Variants in EPHA5 observed in about 807,000 individuals in gnomAD.
EPHA5 encodes EPH receptor A5, also known as ephrin type-A receptor 5.
A neutral mutation model predicts 105.0 loss-of-function variants in EPHA5; 60 were observed. That is an observed-to-expected ratio of 0.57 (90% CI 0.46 to 0.71). The LOEUF (loss-of-function observed/expected upper bound fraction) is 0.71. Among genes scored for constraint, EPHA5 ranks in the 30% least tolerant of loss-of-function variants. The pLI is 0.00. For synonymous variants in EPHA5, 513 were observed against 449.1 expected (o/e 1.14, Z -1.80); for missense variants, 1,218 against 1,274.7 (o/e 0.96, Z 0.68).
intron 7 of EPHA5, among the ~76,000 whole-genome samples, chr4:65,406,852 G>GT (rs1354342374): frequency 6.6e-6 from 1 of 151,840 alleles, no homozygotes; most frequent in Non-Finnish European, 1.5e-5. Flanking sequence ...GCAAATAAAC[G>GT]TATCATTAAT....
intron 5 of EPHA5, among the ~76,000 whole-genome samples, chr4:65,439,443 C>T (rs988716000): frequency 3.3e-5 from 5 of 150,444 alleles, no homozygotes; most frequent in Admixed American, 2.0e-4. Context: ...CACCACCCCC[C>T]GCTGCCCCAT....
intron 2 of EPHA5, among the ~76,000 whole-genome samples, chr4:65,637,345 T>C (rs894729851): frequency 7.3e-5 from 11 of 150,552 alleles, no homozygotes; most frequent in Admixed American, 5.3e-4. Flanking sequence ...GTAACTTAAA[T>C]GAATGAGGAG....
At chr4:65,462,662 A>G (rs1001269114) in intron 5 of EPHA5, among the ~76,000 whole-genome samples, 1 of 152,156 alleles carries the variant, frequency 6.6e-6, no homozygotes. Context: ...ACTTTTTCAG[A>G]TAGTGGTGGT....
intron 14 of EPHA5, among the ~76,000 whole-genome samples, chr4:65,342,360 A>G (rs1721813004): frequency 6.6e-6 from 1 of 152,112 alleles, no homozygotes; most frequent in South Asian, 2.1e-4. Context: ...TTTAGATTAC[A>G]TAGCAATGAG....
At chr4:65,564,313 T>G (rs1199256568) in intron 3 of EPHA5, among the ~76,000 whole-genome samples, 1 of 151,884 alleles carries the variant, frequency 6.6e-6, no homozygotes, top group Non-Finnish European at 1.5e-5. Flanking sequence ...TCAACAAATA[T>G]TTCTAAATGA....
intron 8 of EPHA5, among the ~76,000 whole-genome samples, chr4:65,392,788 T>C (rs1262382550): frequency 1.3e-5 from 2 of 152,166 alleles, no homozygotes; most frequent in Non-Finnish European, 2.9e-5. Flanking sequence ...TCAACATTAA[T>C]GGGAAAAATG....
chr4:65,621,115 T>A (rs1190745897), intron 2 of EPHA5, among the ~76,000 whole-genome samples: 1 of 152,152 alleles, frequency 6.6e-6, no homozygotes, highest in Non-Finnish European at 1.5e-5. Context: ...AAAGTGATTC[T>A]CCCCTTAATA....
intron 16 of EPHA5, among the ~76,000 whole-genome samples, chr4:65,329,039 C>A (rs1189297077): frequency 6.6e-6 from 1 of 151,006 alleles, no homozygotes; most frequent in African/African-American, 2.4e-5. Flanking sequence ...TCTGAATAAC[C>A]AAAGGCTGAC....
chr4:65,347,346 A>C (rs530619773), intron 14 of EPHA5, among the ~76,000 whole-genome samples: 1 of 152,324 alleles, frequency 6.6e-6, no homozygotes, highest in East Asian at 1.9e-4. Context: ...TCTCAAAATA[A>C]AAATATGAAA....
chr4:65,403,123 T>C (rs1377671899), intron 8 of EPHA5, among the ~76,000 whole-genome samples: 1 of 152,106 alleles, frequency 6.6e-6, no homozygotes, highest in Admixed American at 6.6e-5. Context: ...CTCAAATAAA[T>C]AAGGACCAGA....
intron 3 of EPHA5, among the ~76,000 whole-genome samples, chr4:65,561,188 T>TAA (rs913608847): frequency 3.4e-5 from 5 of 147,400 alleles, no homozygotes; most frequent in African/African-American, 1.2e-4. Flanking sequence ...ACACAAACAT[T>TAA]AAAAAAAAAA....
intron 3 of EPHA5, among the ~76,000 whole-genome samples, chr4:65,521,027 A>G (rs1452626012): frequency 6.6e-6 from 1 of 152,184 alleles, no homozygotes; most frequent in Non-Finnish European, 1.5e-5. Context: ...ATTACAGAGT[A>G]TATACCCAAA....
chr4:65,659,304 T>C (rs1166008846), intron 1 of EPHA5, among the ~76,000 whole-genome samples: 2 of 107,682 alleles, frequency 1.9e-5, no homozygotes, highest in Non-Finnish European at 3.4e-5. Context: ...GGATTGTTTA[T>C]ATACTAGAGT....
At chr4:65,492,562 ATC>A (rs1731517268) in intron 4 of EPHA5, among the ~76,000 whole-genome samples, 1 of 128,764 alleles carries the variant, frequency 7.8e-6, no homozygotes, top group African/African-American at 2.9e-5. Context: ...AAAAAAAAAA[ATC>A]CCCACCTTGA....
intron 5 of EPHA5, among the ~76,000 whole-genome samples, chr4:65,428,897 CAT>C (rs1316841025): frequency 3.3e-5 from 5 of 151,966 alleles, no homozygotes; most frequent in African/African-American, 4.8e-5. Context: ...CACTGGCACT[CAT>C]AGTATTCTGT....
intron 2 of EPHA5, among the ~76,000 whole-genome samples, chr4:65,616,835 C>T: frequency 6.6e-6 from 1 of 151,966 alleles, no homozygotes; most frequent in East Asian, 1.9e-4. Context: ...ACTATAATCT[C>T]ACTAAATATT....
chr4:65,631,453 C>T (rs1412285130), intron 2 of EPHA5, among the ~76,000 whole-genome samples: 1 of 151,802 alleles, frequency 6.6e-6, no homozygotes, highest in Non-Finnish European at 1.5e-5. Context: ...TCAAACATAC[C>T]AAAGAGAATG....
intron 11 of EPHA5, among the ~76,000 whole-genome samples, chr4:65,356,515 T>C (rs1723309506): frequency 6.6e-6 from 1 of 151,546 alleles, no homozygotes; most frequent in African/African-American, 2.4e-5. Context: ...CACCTGGTAT[T>C]CATCCTGTAG....
intron 15 of EPHA5, among the ~76,000 whole-genome samples, chr4:65,334,848 A>G (rs2148809371): frequency 6.6e-6 from 1 of 152,086 alleles, no homozygotes; most frequent in East Asian, 1.9e-4. Flanking sequence ...GTGACAATGT[A>G]ATATAATTCA....
Sources: gnomAD v4.1 joint callset for allele counts (sites outside exome capture counted in the v4.1 genomes callset) on GRCh38, gnomAD v4.1.1 for gene constraint, MANE v1.5 for transcripts, NCBI Gene and HGNC (gene_info 2026-07-23, HGNC 2026-07-21) for gene names.